Variants in TOM1L2 observed in about 807,000 individuals in gnomAD.
TOM1L2 encodes the protein TOM1-like protein 2.
Under a neutral mutation model 67.9 loss-of-function variants are expected in TOM1L2, and 31 were observed. The observed-to-expected ratio is 0.46, with a 90% CI of 0.34 to 0.62. TOM1L2 has a LOEUF of 0.62. TOM1L2 is among the 20% of genes least tolerant of loss of function. The probability of loss-of-function intolerance (pLI) is 0.01; values close to 1 mark genes in which losing one functional copy is unlikely to be tolerated. For synonymous variants in TOM1L2, 256 were observed against 254.0 expected, an observed-to-expected ratio of 1.01 and a Z score of -0.07; for missense variants, 606 against 663.5, an observed-to-expected ratio of 0.91 and a Z score of 0.95.
At chr17:17,883,821 C>G (rs182853768) in intron 5 of TOM1L2, among the ~76,000 whole-genome samples, 2 of 152,158 alleles carry the variant, frequency 1.3e-5, no homozygotes, top group Non-Finnish European at 2.9e-5. Context: ...CGTGTTCCTA[C>G]GAGAGATGTG....
intron 12 of TOM1L2, among the ~76,000 whole-genome samples, chr17:17,852,141 C>G (rs1410242400): frequency 6.6e-6 from 1 of 152,162 alleles, no homozygotes; most frequent in African/African-American, 2.4e-5. Flanking sequence ...TGGCTTCACC[C>G]AATGCCATGA....
intron 1 of TOM1L2, among the ~76,000 whole-genome samples, chr17:17,910,380 T>G (rs913832221): frequency 2.6e-5 from 4 of 152,140 alleles, no homozygotes; most frequent in African/African-American, 9.7e-5. Flanking sequence ...CACTTGGCAG[T>G]AGTGCAATGC....
At chr17:17,951,420 G>A (rs2041202617) in intron 1 of TOM1L2, among the ~76,000 whole-genome samples, 1 of 152,190 alleles carries the variant, frequency 6.6e-6, no homozygotes, top group Non-Finnish European at 1.5e-5. Flanking sequence ...TAGTACTTGG[G>A]TAGACACTGT....
In TOM1L2 at chr17:17,846,936, TCCTTGG is replaced by T. The variant is rs1453076410; in HGVS notation, c.*693_*698del. 1 of 152,310 alleles carries T rather than the reference TCCTTGG, an allele frequency of 6.6e-6. No individual in the cohort carries two copies. Among genetic ancestry groups the T allele is most frequent in the Non-Finnish European group, 1.5e-5 (1 of 68,194 alleles). 9.4% of individuals were successfully genotyped at this position (152,310 alleles called of 1,614,324 possible). On this transcript the variant is annotated 3_prime_UTR_variant, in exon 15 of 15. Coordinates refer to ENST00000379504, the MANE Select transcript of TOM1L2 (RefSeq NM_001082968.2). Reference sequence around the variant, plus strand: ...GGGCTGCCTGCTGCCCTCCCAATTGTCCTTGGCCCTCTCCCTGCCCAGGGAGCCTGC... The same window carrying T: ...GGGCTGCCTGCTGCCCTCCCAATTGTCCCTCTCCCTGCCCAGGGAGCCTGC...
intron 1 of TOM1L2, among the ~76,000 whole-genome samples, chr17:17,948,831 C>T (rs920912282): frequency 2.6e-4 from 40 of 152,166 alleles, no homozygotes; most frequent in African/African-American, 9.2e-4. Context: ...ACCCCACACT[C>T]TCCACACCCA....
At chr17:17,923,287 G>A (rs1269548322) in intron 1 of TOM1L2, among the ~76,000 whole-genome samples, 1 of 152,184 alleles carries the variant, frequency 6.6e-6, no homozygotes, top group Non-Finnish European at 1.5e-5. Context: ...TGTAATCCCA[G>A]CTATTTGGGA....
intron 2 of TOM1L2, among the ~76,000 whole-genome samples, chr17:17,902,104 A>T (rs2038884629): frequency 6.6e-6 from 1 of 152,204 alleles, no homozygotes; most frequent in Admixed American, 6.5e-5. Flanking sequence ...TGAGCCTGGG[A>T]GGCGGTGGTT....
intron 4 of TOM1L2, among the ~76,000 whole-genome samples, chr17:17,891,553 C>A (rs565066495): frequency 6.6e-6 from 1 of 152,286 alleles, no homozygotes; most frequent in South Asian, 2.1e-4. Flanking sequence ...GTTCACACCC[C>A]TTGTGATAAC....
chr17:17,946,123 C>T (rs1468229821), intron 1 of TOM1L2, among the ~76,000 whole-genome samples: 1 of 152,134 alleles, frequency 6.6e-6, no homozygotes, highest in East Asian at 1.9e-4. Flanking sequence ...AGCAATCTGC[C>T]TGCCTCAGCC....
intron 1 of TOM1L2, among the ~76,000 whole-genome samples, chr17:17,950,770 AG>A (rs1568363558): frequency 1.3e-5 from 2 of 152,358 alleles, no homozygotes; most frequent in East Asian, 3.9e-4. Context: ...AAGTAAAAAA[AG>A]TTAGTCAATA....
chr17:17,857,954 G>T, intron 12 of TOM1L2: 1 of 1,081,986 alleles, frequency 9.2e-7, no homozygotes, highest in Non-Finnish European at 1.4e-6. Context: ...CCTTTGCCAC[G>T]TAAGGAAATG....
intron 7 of TOM1L2, among the ~76,000 whole-genome samples, chr17:17,875,533 G>C (rs1005942608): frequency 3.3e-5 from 5 of 152,216 alleles, no homozygotes; most frequent in Non-Finnish European, 2.9e-5. Context: ...GCCAGGACAG[G>C]AATTTCCTAA....
chr17:17,898,383 A>T (rs1487048276), intron 3 of TOM1L2, among the ~76,000 whole-genome samples: 1 of 152,188 alleles, frequency 6.6e-6, no homozygotes, highest in Non-Finnish European at 1.5e-5. Flanking sequence ...CTGCTCGTAT[A>T]CATTTACCAA....
intron 3 of TOM1L2, among the ~76,000 whole-genome samples, chr17:17,895,828 C>T (rs907290956): frequency 6.6e-6 from 1 of 152,206 alleles, no homozygotes; most frequent in African/African-American, 2.4e-5. Flanking sequence ...AGATGGGAAT[C>T]ATCCCATTTT....
At chr17:17,900,255 C>T (rs1450162305) in intron 2 of TOM1L2, among the ~76,000 whole-genome samples, 1 of 150,928 alleles carries the variant, frequency 6.6e-6, no homozygotes. Context: ...CATTATGGCT[C>T]ATTCCTGTAA....
chr17:17,938,645 C>T (rs190732791), intron 1 of TOM1L2, among the ~76,000 whole-genome samples: 7 of 152,260 alleles, frequency 4.6e-5, no homozygotes, highest in East Asian at 3.9e-4. Flanking sequence ...TGCACAGGGA[C>T]GCAACCCAGC....
At position 17,845,215 on chromosome 17, in the gene TOM1L2, G is replaced by A. The variant is rs2143372076; in HGVS notation, c.*2420C>T. 2.0e-5 allele frequency: 3 copies of A among 152,364 alleles called. No homozygotes were observed. The highest frequency in any genetic ancestry group is 6.8e-3 in the Middle Eastern group (2 of 294). The allele number at this position is 152,364 out of a possible 1,614,324, so 9.4% of individuals were successfully genotyped here. On this transcript the variant is annotated 3_prime_UTR_variant, in exon 15 of 15. Coordinates refer to ENST00000379504, the MANE Select transcript of TOM1L2 (RefSeq NM_001082968.2). The stretch of plus-strand genomic sequence containing the variant: ...GAGGTGCAAGCAGGCCACCTGAGGG[G>A]TGGCTCCAGGCTAGGAAGGCAGGTG...
At chr17:17,888,944 G>T (rs111604873) in intron 4 of TOM1L2, among the ~76,000 whole-genome samples, 1 of 152,212 alleles carries the variant, frequency 6.6e-6, no homozygotes, top group African/African-American at 2.4e-5. Context: ...GAAAGCTGCC[G>T]GAAGGGAAGT....
At chr17:17,914,865 A>G (rs1446465910) in intron 1 of TOM1L2, among the ~76,000 whole-genome samples, 1 of 152,224 alleles carries the variant, frequency 6.6e-6, no homozygotes, top group Admixed American at 6.5e-5. Context: ...GGTTAGGGAT[A>G]TATCTTTTTT....
Sources: allele counts gnomAD v4.1 joint callset (sites outside exome capture counted in the v4.1 genomes callset), GRCh38; gene constraint gnomAD v4.1.1; transcripts MANE v1.5; gene names NCBI Gene and HGNC (gene_info 2026-07-23, HGNC 2026-07-21).